The following DIXDC1 variants were observed in gnomAD, a reference collection of about 807,000 sequenced individuals.
DIXDC1 encodes DIX domain containing 1, also known as dixin.
DIXDC1 carries 64 observed loss-of-function variants against 103.1 expected under a neutral mutation model. The observed-to-expected ratio is 0.62, with a 90% CI of 0.51 to 0.76. DIXDC1 has a LOEUF of 0.76. Among genes scored for constraint, DIXDC1 ranks in the 30% least tolerant of loss-of-function variants. The probability of loss-of-function intolerance (pLI) is 0.00; values close to 1 mark genes in which losing one functional copy is unlikely to be tolerated. For synonymous variants in DIXDC1, 266 were observed against 298.5 expected, an observed-to-expected ratio of 0.89 and a Z score of 1.12; for missense variants, 759 against 834.2, an observed-to-expected ratio of 0.91 and a Z score of 1.11.
At chr11:111,988,788 G>A (rs1860590323) in intron 9 of DIXDC1, among the ~76,000 whole-genome samples, 1 of 152,308 alleles carries the variant, frequency 6.6e-6, no homozygotes, top group East Asian at 1.9e-4. Flanking sequence ...GAGCAGTTAA[G>A]CCTGGGTGCC....
chr11:111,971,057 T>C (rs1859906576), intron 3 of DIXDC1, among the ~76,000 whole-genome samples: 1 of 152,208 alleles, frequency 6.6e-6, no homozygotes. Context: ...CTACTTGATA[T>C]TGGCATTGGC....
At chr11:111,991,022 A>C (rs1860696192) in intron 10 of DIXDC1, among the ~76,000 whole-genome samples, 1 of 152,158 alleles carries the variant, frequency 6.6e-6, no homozygotes, top group Non-Finnish European at 1.5e-5. Flanking sequence ...ATGTTATTTC[A>C]CCCAAATGGG....
chr11:111,944,999 C>T (rs976386871), intron 1 of DIXDC1, among the ~76,000 whole-genome samples: 1 of 152,138 alleles, frequency 6.6e-6, no homozygotes, highest in Non-Finnish European at 1.5e-5. Flanking sequence ...AGTTCGGTTA[C>T]AAGTGCCAAA....
In DIXDC1 at chr11:112,020,593, C is replaced by G. The variant is rs1427347439; in HGVS notation, c.*1557C>G. The stretch of plus-strand genomic sequence containing the variant: ...ATACTGTATCCATTTTCTAGAGAAC[C>G]CAGTAGCTTTTATACAGTCTCTTCT... On this transcript the variant is annotated 3_prime_UTR_variant, in exon 20 of 20. Transcript: ENST00000440460. The G allele has an allele frequency of 2.6e-5, 4 of 152,082 alleles. No homozygotes were observed. In the East Asian group the frequency reaches 7.7e-4, roughly 29 times the overall value. 9.4% of individuals were successfully genotyped at this position (152,082 alleles called of 1,614,324 possible). A position where few individuals can be genotyped will look rare whatever the true frequency, so the allele number is the denominator to read the frequency against.
intron 1 of DIXDC1, among the ~76,000 whole-genome samples, chr11:111,953,678 C>A (rs1555170292): frequency 6.6e-6 from 1 of 151,960 alleles, no homozygotes; most frequent in African/African-American, 2.4e-5. Flanking sequence ...TGGGGCTAAC[C>A]AAAAATGAAC....
At chr11:111,960,427 C>T (rs1859534091) in intron 1 of DIXDC1, among the ~76,000 whole-genome samples, 1 of 150,702 alleles carries the variant, frequency 6.6e-6, no homozygotes, top group African/African-American at 2.4e-5. Context: ...AACCCCATCT[C>T]TACTAAAAAT....
chr11:111,939,180 G>C (rs1167346341), intron 1 of DIXDC1, among the ~76,000 whole-genome samples: 5 of 152,228 alleles, frequency 3.3e-5, no homozygotes, highest in Admixed American at 6.5e-5. Flanking sequence ...GTCTGTTTAA[G>C]AGGAGGAAAC....
chr11:111,972,610 A>ATGCACCCCTCTGC (rs1475394083), intron 3 of DIXDC1, among the ~76,000 whole-genome samples: 6 of 152,116 alleles, frequency 3.9e-5, no homozygotes, highest in Non-Finnish European at 8.8e-5. Context: ...CCACCCTCTG[A>ATGCACCCCTCTGC]TGCACCCCTC....
Position 111,995,521 on chromosome 11 carries a change from A to C in DIXDC1, c.1646A>C (p.Glu549Ala). The C allele has an allele frequency of 1.9e-6, 3 of 1,614,008 alleles. No individual in the cohort carries two copies. Among genetic ancestry groups the C allele is most frequent in the Non-Finnish European group, 2.5e-6 (3 of 1,179,908 alleles). Residue 549 changes from glutamate (E) to alanine (A), a missense_variant, in exon 16 of 20, where the codon GAG becomes GCG. By Grantham distance (107) the Glu-to-Ala change is moderately radical (BLOSUM62 -1). This residue lies in a region of DIXDC1 where 657 missense variants were observed against 727.5 expected (regional missense o/e 0.90). Coordinates refer to ENST00000440460, the MANE Select transcript of DIXDC1 (RefSeq NM_001037954.4). ...GAGCAGGGCATTTCTAGCCTCATGGAGCGCCTGCATGTTATGGAGACGCAG... is the reference window on the plus strand; with the variant it reads ...GAGCAGGGCATTTCTAGCCTCATGGCGCGCCTGCATGTTATGGAGACGCAG... ...SLEQGISSLMERLHVMETQKK... is the reference protein window; with the variant it reads ...SLEQGISSLMARLHVMETQKK...
chr11:111,929,795 A>T (rs1305568545), intron 1 of DIXDC1: 27 of 1,429,200 alleles, frequency 1.9e-5, no homozygotes, highest in Non-Finnish European at 2.3e-5. Flanking sequence ...TATTTTGTAC[A>T]TTTCTTATTC....
In DIXDC1 at chr11:111,958,388, G is replaced by C. The variant is rs1231112242; in HGVS notation, c.61-6161G>C. 6.6e-6 allele frequency among the ~76,000 whole-genome samples: 1 copy of C among 152,194 alleles called. No homozygotes were observed. The highest frequency in any genetic ancestry group is 2.4e-5 in the African/African-American group (1 of 41,456). On this transcript the variant is annotated intron_variant, in intron 1 of 19. Transcript: ENST00000440460. This position sits in a 1 kb window ranked among gnomAD's most constrained non-coding sequence, Gnocchi z 4.2. ...TTGGAAATGCTTGCTCCTGCTGCCT[G>C]GCCTCTCCCGACTCCCTGCACCTGC... is the stretch of plus-strand genomic sequence containing the variant.
chr11:111,962,324 A>AT (rs1331968052), intron 1 of DIXDC1, among the ~76,000 whole-genome samples: 4 of 152,142 alleles, frequency 2.6e-5, no homozygotes, highest in African/African-American at 9.7e-5. Flanking sequence ...TCTATTACAA[A>AT]TACAAAAATT....
chr11:111,976,995 C>A lies in DIXDC1; in HGVS notation c.656+2012C>A, dbSNP rs1489255850. 2 of 153,198 alleles carry A rather than the reference C, an allele frequency of 1.3e-5. No individual in the cohort carries two copies. Among genetic ancestry groups the A allele is most frequent in the Admixed American group, 1.3e-4 (2 of 15,290 alleles). 9.5% of individuals were successfully genotyped at this position (153,198 alleles called of 1,614,324 possible). A position where few individuals can be genotyped will look rare whatever the true frequency, so the allele number is the denominator to read the frequency against. ...ACCCCTCGTCCACCAAGGGAGGGCT[C>A]AGAGTGGAGAAGGCAAGGTTTTTGG... On this transcript the variant is annotated intron_variant, in intron 5 of 19. Transcript: ENST00000440460. The surrounding 1 kb of genome is among the most constrained non-coding windows in gnomAD (Gnocchi z 4.3).
At chr11:112,001,527 A>G (rs147806972) in intron 17 of DIXDC1, among the ~76,000 whole-genome samples, 2 of 152,304 alleles carry the variant, frequency 1.3e-5, no homozygotes, top group Non-Finnish European at 2.9e-5. Flanking sequence ...GGATGTAGAA[A>G]GCCAGAAAGA....
At chr11:111,999,350 CT>C (rs1414136858) in intron 17 of DIXDC1, among the ~76,000 whole-genome samples, 2 of 152,152 alleles carry the variant, frequency 1.3e-5, no homozygotes, top group African/African-American at 4.8e-5. Context: ...AGAGAATGTT[CT>C]TTTCAACCAA....
chr11:111,949,637 C>G (rs1449045548), intron 1 of DIXDC1, among the ~76,000 whole-genome samples: 8 of 152,196 alleles, frequency 5.3e-5, no homozygotes, highest in Admixed American at 3.3e-4. Context: ...CTTCACACTT[C>G]CTGTTGAAGG....
Position 111,989,058 on chromosome 11 carries a change from A to G in DIXDC1, c.1113+3A>G. ...CCAGAAACTTACAGGGGATAAAGGT[A>G]AAAAAGAAGACATTTAATTCTTTAA... is the stretch of plus-strand genomic sequence containing the variant. On this transcript the variant is annotated splice_donor_region_variant and intron_variant, in intron 10 of 19. Transcript: ENST00000440460. 1 of 1,601,284 alleles carries G rather than the reference A, an allele frequency of 6.2e-7. No homozygotes were observed.
At chr11:112,014,858 T>C (rs1443678620) in intron 17 of DIXDC1, among the ~76,000 whole-genome samples, 1 of 152,114 alleles carries the variant, frequency 6.6e-6, no homozygotes, top group African/African-American at 2.4e-5. Context: ...AAAGGAGAAT[T>C]ATGGCATGTA....
intron 17 of DIXDC1, among the ~76,000 whole-genome samples, chr11:112,012,002 A>G (rs892042948): frequency 2.0e-5 from 3 of 152,208 alleles, no homozygotes; most frequent in African/African-American, 7.2e-5. Context: ...TTAGGTATAA[A>G]CTTCATAAAA....
Sources: allele counts gnomAD v4.1 joint callset (sites outside exome capture counted in the v4.1 genomes callset), GRCh38; gene constraint gnomAD v4.1.1; regional missense constraint gnomAD v4.1.1; non-coding constraint Gnocchi (gnomAD v3.1); transcripts MANE v1.5; gene names NCBI Gene and HGNC (gene_info 2026-07-23, HGNC 2026-07-21).